ARHGAP26: variants seen among roughly 807,000 people sequenced by gnomAD.
The protein encoded by ARHGAP26 is Rho GTPase activating protein 26, also known as rho GTPase-activating protein 26.
A neutral mutation model predicts 104.8 loss-of-function variants in ARHGAP26; 38 were observed. The ratio of observed to expected loss-of-function variants is 0.36; its 90% confidence interval spans 0.28 to 0.48. The LOEUF (loss-of-function observed/expected upper bound fraction) is 0.48. Among genes scored for constraint, ARHGAP26 ranks in the 20% least tolerant of loss-of-function variants. ARHGAP26 has a pLI of 0.99. For missense variants in ARHGAP26, 704 were observed against 947.9 expected, an observed-to-expected ratio of 0.74 and a Z score of 3.38; for synonymous variants, 341 against 340.0, an observed-to-expected ratio of 1.00 and a Z score of -0.03.
At chr5:143,181,440 T>TA (rs1336650161) in intron 20 of ARHGAP26, among the ~76,000 whole-genome samples, 1 of 152,200 alleles carries the variant, frequency 6.6e-6, no homozygotes, top group Non-Finnish European at 1.5e-5. Flanking sequence ...TCCCCCTCCT[T>TA]ACACCTTCCT....
At chr5:143,050,361 T>A (rs903443232) in intron 14 of ARHGAP26, among the ~76,000 whole-genome samples, 9 of 151,934 alleles carry the variant, frequency 5.9e-5, no homozygotes, top group African/African-American at 1.9e-4. Flanking sequence ...TTTTTTTTTT[T>A]AAACCACATT....
intron 1 of ARHGAP26, among the ~76,000 whole-genome samples, chr5:142,851,809 C>G (rs1217602717): frequency 1.3e-5 from 2 of 152,228 alleles, no homozygotes; most frequent in African/African-American, 4.8e-5. Context: ...ATGGCCTTCT[C>G]TTCTCCCTCA....
intron 8 of ARHGAP26, among the ~76,000 whole-genome samples, chr5:142,906,533 TC>T (rs1394758709): frequency 1.3e-5 from 2 of 152,204 alleles, no homozygotes; most frequent in Non-Finnish European, 2.9e-5. Flanking sequence ...CATCCATCCG[TC>T]CGTCCGTTAT....
intron 20 of ARHGAP26, among the ~76,000 whole-genome samples, chr5:143,149,285 A>G (rs1799529649): frequency 1.3e-5 from 2 of 152,024 alleles, no homozygotes; most frequent in Non-Finnish European, 2.9e-5. Context: ...CAACAAGACC[A>G]CTGTCCTTCC....
chr5:143,016,268 G>C (rs893316840), intron 12 of ARHGAP26, among the ~76,000 whole-genome samples: 1 of 152,308 alleles, frequency 6.6e-6, no homozygotes, highest in Non-Finnish European at 1.5e-5. Flanking sequence ...TTTTATTTTG[G>C]AAAATATAAG....
intron 9 of ARHGAP26, chr5:142,908,950 CT>C: frequency 6.0e-6 from 1 of 166,756 alleles, no homozygotes. Flanking sequence ...TGTCTTTTCT[CT>C]TTGCTCCTAT....
rs71890315 is a variant in ARHGAP26, at chr5:142,796,054, C to CTGTGTGTGTG, written c.154+25167_154+25176dup. Among the ~76,000 whole-genome samples the CTGTGTGTGTG allele has an allele frequency of 3.1e-3, 445 of 144,142 alleles. 2 individuals carry two copies. The highest frequency in any genetic ancestry group is 0.011 in the African/African-American group (417 of 39,392). 94.6% of individuals were successfully genotyped at this position (144,142 alleles called of 152,430 possible). On this transcript the variant is annotated intron_variant, in intron 1 of 22. Transcript: ENST00000645722. ...TTACTTTGTTTACTAAGGTGTTTTT[C>CTGTGTGTGTG]TGTGTGTGTGTGTGTGTGTGTGTGT...
chr5:142,867,160 A>G (rs550967461), intron 1 of ARHGAP26, among the ~76,000 whole-genome samples: 1 of 152,232 alleles, frequency 6.6e-6, no homozygotes, highest in Non-Finnish European at 1.5e-5. Context: ...TGTTGTTTAA[A>G]TTAGCTGCTT....
chr5:143,105,040 C>T (rs2398613), intron 17 of ARHGAP26, among the ~76,000 whole-genome samples: 119,343 of 152,106 alleles, frequency 0.78, 49,812 homozygotes, highest in Non-Finnish European at 0.92. Flanking sequence ...TTCCCCCTAA[C>T]GATAGCACTG....
intron 17 of ARHGAP26, among the ~76,000 whole-genome samples, chr5:143,067,451 G>A (rs1046187987): frequency 6.6e-6 from 1 of 152,118 alleles, no homozygotes; most frequent in African/African-American, 2.4e-5. Context: ...GCTTCATTCT[G>A]TTTTGGTAGA....
intron 17 of ARHGAP26, among the ~76,000 whole-genome samples, chr5:143,063,305 C>T (rs548556576): frequency 5.3e-5 from 8 of 152,314 alleles, no homozygotes; most frequent in African/African-American, 1.9e-4. Flanking sequence ...GTCTTTCCCA[C>T]GCTGCTTGCG....
chr5:143,133,853 G>T, intron 18 of ARHGAP26, 114 bp from the exon 19 acceptor site: 2 of 1,052,722 alleles, frequency 1.9e-6, no homozygotes, highest in South Asian at 2.5e-5. Context: ...GGTCTTCTCG[G>T]ATCTTTTCTT....
chr5:142,854,712 A>G (rs958747242), intron 1 of ARHGAP26, among the ~76,000 whole-genome samples: 5 of 152,198 alleles, frequency 3.3e-5, no homozygotes, highest in African/African-American at 1.2e-4. Context: ...CTGATATGAG[A>G]CCGAGTAGAC....
chr5:142,987,211 G>A (rs866279981), intron 11 of ARHGAP26, among the ~76,000 whole-genome samples: 15 of 151,994 alleles, frequency 9.9e-5, no homozygotes, highest in South Asian at 2.1e-4. Context: ...GGTCCTTCAC[G>A]TCCCTTGTAA....
At chr5:143,054,264 A>G (rs1785465042) in intron 14 of ARHGAP26, among the ~76,000 whole-genome samples, 175 bp from the exon 15 acceptor site, 1 of 152,232 alleles carries the variant, frequency 6.6e-6, no homozygotes, top group Non-Finnish European at 1.5e-5. Context: ...CTTGCCAGCA[A>G]GAGATATTGG....
intron 20 of ARHGAP26, chr5:143,194,206 G>T (rs906949150): frequency 1.6e-4 from 25 of 152,228 alleles, no homozygotes; most frequent in African/African-American, 6.0e-4. Flanking sequence ...GTTAAGTAAT[G>T]AGAAATTTAT....
intron 19 of ARHGAP26, among the ~76,000 whole-genome samples, chr5:143,145,470 G>A (rs1001912655): frequency 6.6e-6 from 1 of 152,184 alleles, no homozygotes; most frequent in Non-Finnish European, 1.5e-5. Flanking sequence ...CTTTGTATGC[G>A]TGTCTTGTGA....
At chr5:143,131,996 G>T (rs1797411069) in intron 18 of ARHGAP26, among the ~76,000 whole-genome samples, 1 of 152,154 alleles carries the variant, frequency 6.6e-6, no homozygotes, top group Non-Finnish European at 1.5e-5. Context: ...TGGGGTTCCA[G>T]CTGCTCGGGA....
chr5:142,775,216 C>A (rs1231141612), intron 1 of ARHGAP26, among the ~76,000 whole-genome samples: 1 of 152,112 alleles, frequency 6.6e-6, no homozygotes, highest in African/African-American at 2.4e-5. Context: ...TTTGCATTCT[C>A]ACCAGCAATG....
Sources: gnomAD v4.1 joint callset for allele counts (sites outside exome capture counted in the v4.1 genomes callset) on GRCh38, gnomAD v4.1.1 for gene constraint, MANE v1.5 for transcripts, NCBI Gene and HGNC (gene_info 2026-07-23, HGNC 2026-07-21) for gene names.